EYS: variants seen among roughly 807,000 people sequenced by gnomAD.
The protein encoded by EYS is protein eyes shut homolog.
EYS carries 250 observed loss-of-function variants against 282.1 expected under a neutral mutation model. The ratio of observed to expected loss-of-function variants is 0.89; its 90% CI spans 0.80 to 0.98. EYS has a LOEUF of 0.98. Ranked by LOEUF, EYS falls within the 50% of genes least tolerant of loss-of-function variation. The pLI is 0.00. For missense variants in EYS, 4,016 were observed against 3,709.0 expected, an observed-to-expected ratio of 1.08 and a Z score of -2.15; for synonymous variants, 1,355 against 1,282.9, an observed-to-expected ratio of 1.06 and a Z score of -1.20.
chr6:64,570,329 T>A (rs1765686020), intron 26 of EYS, among the ~76,000 whole-genome samples: 1 of 152,184 alleles, frequency 6.6e-6, no homozygotes, highest in Non-Finnish European at 1.5e-5. Context: ...TACCAGCCAC[T>A]GCAAAAACAT....
intron 15 of EYS, among the ~76,000 whole-genome samples, chr6:64,913,641 T>TG (rs1181088024): frequency 9.8e-5 from 15 of 152,286 alleles, no homozygotes; most frequent in South Asian, 6.2e-4. Flanking sequence ...TCACATATTC[T>TG]TTATCCAGTC....
chr6:64,195,707 A>G (rs1251813508), intron 31 of EYS, among the ~76,000 whole-genome samples: 4 of 152,202 alleles, frequency 2.6e-5, no homozygotes, highest in African/African-American at 9.6e-5. Flanking sequence ...ATAAATTTTT[A>G]TCCAGAATAC....
intron 28 of EYS, among the ~76,000 whole-genome samples, chr6:64,391,217 G>A (rs1251804026): frequency 1.3e-5 from 2 of 151,814 alleles, no homozygotes; most frequent in Non-Finnish European, 2.9e-5. Flanking sequence ...TATTATCCAG[G>A]AGAACTTCCC....
chr6:63,993,584 A>C (rs1188726234), intron 34 of EYS, among the ~76,000 whole-genome samples: 1 of 151,912 alleles, frequency 6.6e-6, no homozygotes, highest in Non-Finnish European at 1.5e-5. Context: ...GAAAAAGGAT[A>C]AAATAGCATA....
At chr6:64,383,371 C>T (rs566490266) in intron 29 of EYS, among the ~76,000 whole-genome samples, 1 of 152,236 alleles carries the variant, frequency 6.6e-6, no homozygotes, top group South Asian at 2.1e-4. Flanking sequence ...GAGAGTGATT[C>T]TTATACGTGC....
intron 29 of EYS, among the ~76,000 whole-genome samples, chr6:64,385,706 T>G (rs1772886452): frequency 6.6e-6 from 1 of 152,224 alleles, no homozygotes; most frequent in African/African-American, 2.4e-5. Context: ...CTCTGACTTA[T>G]TAACAAGCTT....
intron 1 of EYS, among the ~76,000 whole-genome samples, chr6:65,663,276 A>G (rs1324113964): frequency 6.6e-6 from 1 of 152,192 alleles, no homozygotes; most frequent in Non-Finnish European, 1.5e-5. Flanking sequence ...TATGTTGCTC[A>G]GCAGAGAAAC....
intron 26 of EYS, among the ~76,000 whole-genome samples, chr6:64,523,838 C>G (rs1166229737): frequency 6.6e-6 from 1 of 151,632 alleles, no homozygotes; most frequent in East Asian, 1.9e-4. Context: ...TCCTTCCTCC[C>G]TCCCATCTGA....
intron 33 of EYS, among the ~76,000 whole-genome samples, chr6:64,013,721 A>G (rs1352298774): frequency 6.6e-6 from 1 of 152,154 alleles, no homozygotes; most frequent in Non-Finnish European, 1.5e-5. Flanking sequence ...AGTTTCTTGA[A>G]CATTTCTTAG....
At chr6:63,958,143 T>TA (rs1765901345) in intron 35 of EYS, among the ~76,000 whole-genome samples, 1 of 140,778 alleles carries the variant, frequency 7.1e-6, no homozygotes, top group Non-Finnish European at 1.6e-5. Context: ...CACAATCAAC[T>TA]AATATAATTC....
intron 22 of EYS, among the ~76,000 whole-genome samples, chr6:64,758,982 C>CA (rs1345410150): frequency 1.3e-5 from 2 of 151,942 alleles, no homozygotes; most frequent in African/African-American, 4.8e-5. Flanking sequence ...ACTAAAAATA[C>CA]AAAAAAATTA....
rs140673127 is a variant in EYS at position 63,917,162 on chromosome 6, G to A, written c.7056-52804C>T. Among the ~76,000 whole-genome samples, 416 of 152,338 alleles carry A rather than the reference G, an allele frequency of 2.7e-3. 2 individuals carry two copies. Among genetic ancestry groups the A allele is most frequent in the South Asian group, 0.022 (107 of 4,830 alleles). On this transcript the variant is annotated intron_variant, in intron 35 of 42. Coordinates refer to ENST00000503581, the MANE Select transcript of EYS (RefSeq NM_001142800.2). ...TGTGCATGTGTACACGTGCACGCGCGTGCATGTGCACATGTATGTGTTTAG... is the reference window on the plus strand; with the variant it reads ...TGTGCATGTGTACACGTGCACGCGCATGCATGTGCACATGTATGTGTTTAG...
chr6:64,384,437 C>T (rs1405027163), intron 29 of EYS, among the ~76,000 whole-genome samples: 1 of 152,086 alleles, frequency 6.6e-6, no homozygotes, highest in Non-Finnish European at 1.5e-5. Context: ...TAGTGACTTA[C>T]TTACATCTGA....
chr6:65,685,483 A>G (rs1195742119), intron 1 of EYS, among the ~76,000 whole-genome samples: 2 of 152,090 alleles, frequency 1.3e-5, no homozygotes, highest in Admixed American at 1.3e-4. Context: ...TGGAAAGCCA[A>G]TAGATAGACT....
chr6:65,502,556 G>T (rs1022026580), intron 2 of EYS, among the ~76,000 whole-genome samples: 1 of 151,438 alleles, frequency 6.6e-6, no homozygotes, highest in Non-Finnish European at 1.5e-5. Context: ...ATTAACTAAT[G>T]AATTTTACTT....
chr6:64,127,778 T>C (rs937419867), intron 31 of EYS, among the ~76,000 whole-genome samples: 2 of 152,120 alleles, frequency 1.3e-5, no homozygotes, highest in African/African-American at 4.8e-5. Flanking sequence ...GTTATCAGAT[T>C]CATAGAGTTT....
rs115142468 is a variant in EYS at position 65,057,931 on chromosome 6, T to C, written c.2024-204A>G. 4.8e-3 allele frequency among the ~76,000 whole-genome samples: 738 copies of C among 152,240 alleles called. 4 individuals carry two copies. The highest frequency in any genetic ancestry group is 0.017 in the African/African-American group (701 of 41,572). ...CTGTAGTAACTTCTCTTAGAATTAC[T>C]AAAAGGACACTAATCTCTTCTGAGT... On this transcript the variant is annotated intron_variant, in intron 12 of 42. Transcript: ENST00000503581.
intron 30 of EYS, among the ~76,000 whole-genome samples, chr6:64,237,005 A>G (rs1437057669): frequency 6.6e-6 from 1 of 152,098 alleles, no homozygotes; most frequent in African/African-American, 2.4e-5. Context: ...TCTTATAAGT[A>G]GTATGTACAT....
chr6:65,088,888 C>T lies in EYS; in HGVS notation c.2024-31161G>A, dbSNP rs565341372. ...GCCCTGAGTCCCAGCTGCTTCAGCT[C>T]CAGCTATGGCAAAAAAGGGCCAAGG... is the stretch of plus-strand genomic sequence containing the variant. On this transcript the variant is annotated intron_variant, in intron 12 of 42. Transcript: ENST00000503581. 9.9e-5 allele frequency among the ~76,000 whole-genome samples: 15 copies of T among 152,210 alleles called. 1 individual carries two copies. Among genetic ancestry groups the T allele is most frequent in the Admixed American group, 7.9e-4 (12 of 15,278 alleles).
Sources: allele counts gnomAD v4.1 joint callset (sites outside exome capture counted in the v4.1 genomes callset), GRCh38; gene constraint gnomAD v4.1.1; transcripts MANE v1.5; gene names NCBI Gene and HGNC (gene_info 2026-07-23, HGNC 2026-07-21).